Variants in UBE3C observed in about 807,000 individuals in gnomAD.
UBE3C encodes ubiquitin-protein ligase E3C.
In UBE3C, 42 loss-of-function variants were observed where a neutral mutation model predicts 129.4. The observed-to-expected ratio is 0.32, with a 90% CI of 0.25 to 0.42. The LOEUF is 0.42. Ranked by LOEUF, UBE3C falls within the 10% of genes least tolerant of loss-of-function variation. UBE3C has a pLI of 1.00. For missense variants in UBE3C, 1,049 were observed against 1,319.1 expected (o/e 0.80, Z 3.17); for synonymous variants, 510 against 492.4 (o/e 1.04, Z -0.47).
chr7:157,167,829 C>A (rs1262577998), intron 2 of UBE3C, among the ~76,000 whole-genome samples: 1 of 152,122 alleles, frequency 6.6e-6, no homozygotes, highest in Non-Finnish European at 1.5e-5. Flanking sequence ...AGCCACCATG[C>A]CTGGCCTAAA....
At chr7:157,229,833 G>C (rs1303784711) in intron 17 of UBE3C, among the ~76,000 whole-genome samples, 1 of 151,046 alleles carries the variant, frequency 6.6e-6, no homozygotes, top group Non-Finnish European at 1.5e-5. Context: ...GGCTGGTCTT[G>C]GACTCCTGGC....
In UBE3C at chr7:157,177,339, G is replaced by A. The variant is rs558672779; in HGVS notation, c.459-1351G>A. ...CAAATCTTTTACTTCATTTTTTAAGGTGGGTTGTCTCTTGACAATATGGAT... is the reference window on the plus strand; with the variant it reads ...CAAATCTTTTACTTCATTTTTTAAGATGGGTTGTCTCTTGACAATATGGAT... On this transcript the variant is annotated intron_variant, in intron 5 of 22. Coordinates refer to ENST00000348165, the MANE Select transcript of UBE3C (RefSeq NM_014671.3). 5.3e-5 allele frequency among the ~76,000 whole-genome samples: 8 copies of A among 152,282 alleles called. No individual in the cohort carries two copies. In the East Asian group the frequency reaches 1.5e-3, roughly 29 times the overall value.
At chr7:157,260,702 T>G (rs1796879782) in intron 22 of UBE3C, among the ~76,000 whole-genome samples, 1 of 152,216 alleles carries the variant, frequency 6.6e-6, no homozygotes, top group South Asian at 2.1e-4. Flanking sequence ...TCATCTAGTT[T>G]CATAAAAGGA....
chr7:157,237,768 G>A (rs78646781), intron 18 of UBE3C, among the ~76,000 whole-genome samples: 2,058 of 152,142 alleles, frequency 0.014, 32 homozygotes, highest in South Asian at 0.048. Context: ...AAATAGTGTT[G>A]GGTGCAGTAG....
At chr7:157,180,532 CTG>C (rs1171478019) in intron 6 of UBE3C, among the ~76,000 whole-genome samples, 1 of 152,148 alleles carries the variant, frequency 6.6e-6, no homozygotes, top group Non-Finnish European at 1.5e-5. Context: ...CTGTGTAGGA[CTG>C]TTTCAAAAAC....
At chr7:157,216,021 T>C (rs1795556850) in intron 13 of UBE3C, among the ~76,000 whole-genome samples, 2 of 152,176 alleles carry the variant, frequency 1.3e-5, no homozygotes, top group African/African-American at 4.8e-5. Flanking sequence ...TTTAAAACCA[T>C]AATAAAATAC....
rs560548357 is a variant in UBE3C, at chr7:157,225,377, A to G, written c.2101-30A>G. 11 of 1,578,458 alleles carry G rather than the reference A, an allele frequency of 7.0e-6. No homozygotes were observed. In the East Asian group the frequency reaches 2.5e-4, roughly 36 times the overall value. Reference sequence around the variant, plus strand: ...AGGTTGTAAGAGGTCTTTTGTTTCTAATAACCTTACAGCTTTCCTTGTTTG... The same window carrying G: ...AGGTTGTAAGAGGTCTTTTGTTTCTGATAACCTTACAGCTTTCCTTGTTTG... On this transcript the variant is annotated intron_variant, in intron 16 of 22. Coordinates refer to ENST00000348165, the MANE Select transcript of UBE3C (RefSeq NM_014671.3).
chr7:157,261,445 C>T (rs1026142846), intron 22 of UBE3C, among the ~76,000 whole-genome samples: 1 of 72,436 alleles, frequency 1.4e-5, no homozygotes, highest in South Asian at 4.6e-4. Context: ...GACGGTCTTA[C>T]TGTTTTTTTT....
intron 19 of UBE3C, among the ~76,000 whole-genome samples, chr7:157,251,264 C>G (rs1201069268): frequency 6.6e-6 from 1 of 152,154 alleles, no homozygotes; most frequent in Non-Finnish European, 1.5e-5. Context: ...AATTAATCAT[C>G]CCTTTTAAAA....
At chr7:157,246,622 A>G (rs929886860) in intron 18 of UBE3C, among the ~76,000 whole-genome samples, 3 of 152,204 alleles carry the variant, frequency 2.0e-5, no homozygotes, top group South Asian at 2.1e-4. Context: ...CTCCTGCAGC[A>G]CAGCTCATAG....
chr7:157,233,449 T>C (rs992215629), intron 18 of UBE3C, among the ~76,000 whole-genome samples: 1 of 152,154 alleles, frequency 6.6e-6, no homozygotes, highest in African/African-American at 2.4e-5. Flanking sequence ...TGGCTAATTA[T>C]TTCATTTTAT....
chr7:157,177,089 C>T (rs1435717065), intron 5 of UBE3C, among the ~76,000 whole-genome samples: 1 of 152,186 alleles, frequency 6.6e-6, no homozygotes, highest in Non-Finnish European at 1.5e-5. Flanking sequence ...TTATATATTT[C>T]ACTTTAGAAG....
rs1294129952 is a variant in UBE3C at position 157,268,979 on chromosome 7, C to A, written c.*1224C>A. 6.6e-6 allele frequency: 1 copy of A among 152,628 alleles called. No homozygotes were observed. Among genetic ancestry groups the A allele is most frequent in the Admixed American group, 6.5e-5 (1 of 15,278 alleles). The allele number at this position is 152,628 out of a possible 1,614,324, so 9.5% of individuals were successfully genotyped here. On this transcript the variant is annotated 3_prime_UTR_variant, in exon 23 of 23. Transcript: ENST00000348165. The stretch of plus-strand genomic sequence containing the variant: ...TTACTGTCACTGGAGGCTCTGTGGG[C>A]TGTCATAGTTAATTGACCATAATTA...
intron 1 of UBE3C, among the ~76,000 whole-genome samples, chr7:157,159,811 ACT>A: frequency 6.6e-6 from 1 of 152,264 alleles, no homozygotes; most frequent in African/African-American, 2.4e-5. Context: ...CCAGAGCGAG[ACT>A]CTGTCTCCAA....
chr7:157,206,622 T>A (rs760622994), intron 11 of UBE3C, among the ~76,000 whole-genome samples: 2 of 147,152 alleles, frequency 1.4e-5, no homozygotes, highest in Non-Finnish European at 3.0e-5. Flanking sequence ...AGAGTCTGGC[T>A]CTGTTCCCCA....
intron 5 of UBE3C, among the ~76,000 whole-genome samples, chr7:157,177,736 C>T (rs537260048): frequency 3.3e-5 from 5 of 152,266 alleles, no homozygotes; most frequent in East Asian, 3.9e-4. Flanking sequence ...CTGGGCTTTG[C>T]GGCTGTTGAG....
chr7:157,141,871 C>T (rs893380907), intron 1 of UBE3C, among the ~76,000 whole-genome samples: 10 of 152,304 alleles, frequency 6.6e-5, no homozygotes, highest in African/African-American at 1.7e-4. Context: ...GTGAACGCAC[C>T]GTGGCTGATT....
At chr7:157,173,337 C>T (rs1019884131) in intron 4 of UBE3C, among the ~76,000 whole-genome samples, 1 of 152,210 alleles carries the variant, frequency 6.6e-6, no homozygotes, top group Admixed American at 6.5e-5. Context: ...GATCCTGCGA[C>T]TGCACTCCAG....
At chr7:157,204,806 T>C (rs1809387493) in intron 11 of UBE3C, among the ~76,000 whole-genome samples, 1 of 152,230 alleles carries the variant, frequency 6.6e-6, no homozygotes, top group Non-Finnish European at 1.5e-5. Flanking sequence ...GGTGCTGGTG[T>C]TGGCTGTTTG....
Sources: allele counts gnomAD v4.1 joint callset (sites outside exome capture counted in the v4.1 genomes callset), GRCh38; gene constraint gnomAD v4.1.1; transcripts MANE v1.5; gene names NCBI Gene and HGNC (gene_info 2026-07-23, HGNC 2026-07-21).